Variants in SOX5 observed in about 807,000 individuals in gnomAD.
The protein encoded by SOX5 is SRY-box transcription factor 5.
Under a neutral mutation model 92.0 loss-of-function variants are expected in SOX5, and 9 were observed. The observed-to-expected ratio is 0.10, with a 90% confidence interval of 0.06 to 0.17. The LOEUF is 0.17. Among genes scored for constraint, SOX5 ranks in the 10% least tolerant of loss-of-function variants. The probability of loss-of-function intolerance (pLI) is 1.00; values close to 1 mark genes in which losing one functional copy is unlikely to be tolerated. For missense variants in SOX5, 642 were observed against 944.5 expected (o/e 0.68, Z 4.20); for synonymous variants, 344 against 336.3 (o/e 1.02, Z -0.25).
At chr12:24,536,923 G>T (rs1951691721) in intron 1 of SOX5, among the ~76,000 whole-genome samples, 1 of 152,054 alleles carries the variant, frequency 6.6e-6, no homozygotes, top group Non-Finnish European at 1.5e-5. Flanking sequence ...GCACAACTCG[G>T]GTTCCTTTCT....
chr12:23,735,401 A>T (rs1296203892), intron 5 of SOX5, among the ~76,000 whole-genome samples: 1 of 152,066 alleles, frequency 6.6e-6, no homozygotes, highest in Non-Finnish European at 1.5e-5. Context: ...TCAACACTCA[A>T]ATGTTTTCCC....
rs916198868 is a variant in SOX5, at chr12:24,297,958, A to G, written c.-173-20646T>C. Among the ~76,000 whole-genome samples the G allele has an allele frequency of 4.6e-5, 7 of 152,166 alleles. No homozygotes were observed. The East Asian group carries it at 7.7e-4, about 17-fold the overall frequency. On this transcript the variant is annotated intron_variant, in intron 2 of 4. Transcript: ENST00000446891. ...TATTGACTATATATGTAGGTTAACT[A>G]TTACTGAAAAGCTATTAACCACCCT...
At chr12:24,435,558 G>T (rs1289087967) in intron 1 of SOX5, among the ~76,000 whole-genome samples, 1 of 152,140 alleles carries the variant, frequency 6.6e-6, no homozygotes, top group African/African-American at 2.4e-5. Flanking sequence ...CTAGCACAAT[G>T]TCCTGCACAT....
intron 3 of SOX5, among the ~76,000 whole-genome samples, chr12:23,788,226 AGG>A (rs1478025463): frequency 6.6e-6 from 1 of 152,028 alleles, no homozygotes; most frequent in Non-Finnish European, 1.5e-5. Context: ...AATGAGTAGA[AGG>A]ATTCAGGTCA....
chr12:24,231,606 C>CGTAG (rs1415477494), intron 3 of SOX5, among the ~76,000 whole-genome samples: 2 of 152,186 alleles, frequency 1.3e-5, no homozygotes, highest in African/African-American at 4.8e-5. Context: ...AATGTCTCTA[C>CGTAG]ACATATACTC....
intron 2 of SOX5, among the ~76,000 whole-genome samples, chr12:23,887,056 T>C (rs149489258): frequency 5.9e-5 from 9 of 152,322 alleles, no homozygotes; most frequent in African/African-American, 2.2e-4. Flanking sequence ...AAATATACTA[T>C]ATAGTTTTGT....
intron 6 of SOX5, among the ~76,000 whole-genome samples, chr12:23,714,460 A>G (rs914737803): frequency 6.6e-6 from 1 of 152,186 alleles, no homozygotes; most frequent in Non-Finnish European, 1.5e-5. Flanking sequence ...TGTCTCTATT[A>G]AAAATACAAA....
intron 6 of SOX5, among the ~76,000 whole-genome samples, chr12:23,724,801 G>T (rs1209904530): frequency 6.6e-6 from 1 of 152,178 alleles, no homozygotes; most frequent in African/African-American, 2.4e-5. Context: ...CAGTGCAAAT[G>T]CCCTGATGGT....
At chr12:23,745,214 TAGAG>T (rs892615952) in intron 4 of SOX5, among the ~76,000 whole-genome samples, 5 of 152,152 alleles carry the variant, frequency 3.3e-5, no homozygotes, top group African/African-American at 7.2e-5. Context: ...TGTACTGACT[TAGAG>T]AGAGCACTTT....
At chr12:23,993,542 A>G (rs1221176256) in intron 4 of SOX5, among the ~76,000 whole-genome samples, 1 of 152,186 alleles carries the variant, frequency 6.6e-6, no homozygotes, top group Non-Finnish European at 1.5e-5. Context: ...TTTCTCCCAG[A>G]TACCTCTGTG....
At chr12:24,424,388 A>G (rs1267006726) in intron 1 of SOX5, among the ~76,000 whole-genome samples, 1 of 152,190 alleles carries the variant, frequency 6.6e-6, no homozygotes, top group Admixed American at 6.5e-5. Context: ...AAACATAATT[A>G]TTCAATATAC....
chr12:23,845,937 A>T, intron 3 of SOX5, 46 bp downstream of exon 3: 1 of 1,430,386 alleles, frequency 7.0e-7, no homozygotes, highest in African/African-American at 1.4e-5. Flanking sequence ...TCAAAGTATT[A>T]AAATCAGGAC....
At chr12:24,131,671 T>C (rs1028220304) in intron 4 of SOX5, among the ~76,000 whole-genome samples, 2 of 152,324 alleles carry the variant, frequency 1.3e-5, no homozygotes, top group African/African-American at 2.4e-5. Flanking sequence ...TGGATGATTT[T>C]AGCTCTGCAG....
chr12:24,447,226 G>T (rs1941618199), intron 1 of SOX5, among the ~76,000 whole-genome samples: 2 of 152,154 alleles, frequency 1.3e-5, no homozygotes, highest in South Asian at 4.1e-4. Context: ...TTGGCCAGGT[G>T]AAAAAGGTTA....
intron 3 of SOX5, among the ~76,000 whole-genome samples, chr12:23,779,814 T>TATATATATATATACACACACAC (rs777013504): frequency 1.8e-5 from 2 of 110,808 alleles, no homozygotes; most frequent in Non-Finnish European, 3.6e-5. Context: ...TATATATATA[T>TATATATATATATACACACACAC]ACACACACAC....
At chr12:23,624,603 C>T (rs182505771) in intron 8 of SOX5, among the ~76,000 whole-genome samples, 52 of 152,260 alleles carry the variant, frequency 3.4e-4, no homozygotes, top group Admixed American at 2.8e-3. Context: ...ATGTAAGACA[C>T]CTGGTTCCAG....
At chr12:24,295,508 G>T (rs901933872) in intron 2 of SOX5, among the ~76,000 whole-genome samples, 3 of 152,144 alleles carry the variant, frequency 2.0e-5, no homozygotes, top group Admixed American at 2.0e-4. Flanking sequence ...AATTATTTGT[G>T]CTCACTAAAG....
At chr12:23,931,257 T>G (rs1306614201) in intron 1 of SOX5, among the ~76,000 whole-genome samples, 1 of 151,768 alleles carries the variant, frequency 6.6e-6, no homozygotes, top group Non-Finnish European at 1.5e-5. Flanking sequence ...TATTTAGTGC[T>G]TACTATATAC....
At position 24,297,351 on chromosome 12, in the gene SOX5, AT is replaced by A. The variant is rs1339641992; in HGVS notation, c.-173-20040del. On this transcript the variant is annotated intron_variant, in intron 2 of 4. Transcript: ENST00000446891. ...TCTTCGACAGTCTTCCCATTCTCAG[AT>A]TTTTTTCTTTCTTTCCAATAAAACA... is the stretch of plus-strand genomic sequence containing the variant. Among the ~76,000 whole-genome samples the A allele has an allele frequency of 1.1e-4, 17 of 152,222 alleles. No individual in the cohort carries two copies. The East Asian group carries it at 3.1e-3, about 28-fold the overall frequency.
Sources: gnomAD v4.1 joint callset for allele counts (sites outside exome capture counted in the v4.1 genomes callset) on GRCh38, gnomAD v4.1.1 for gene constraint, MANE v1.5 for transcripts, NCBI Gene and HGNC (gene_info 2026-07-23, HGNC 2026-07-21) for gene names.